The following DNM3 variants were observed in gnomAD, a reference collection of about 807,000 sequenced individuals.
DNM3 encodes the protein dynamin-3.
DNM3 carries 47 observed loss-of-function variants against 101.6 expected under a neutral mutation model. The ratio of observed to expected loss-of-function variants is 0.46; its 90% CI spans 0.37 to 0.59. The LOEUF (loss-of-function observed/expected upper bound fraction) is 0.59. Among genes scored for constraint, DNM3 ranks in the 20% least tolerant of loss-of-function variants. DNM3 has a pLI of 0.00. For missense variants in DNM3, 849 were observed against 1,085.7 expected, an observed-to-expected ratio of 0.78 and a Z score of 3.06; for synonymous variants, 385 against 387.9, an observed-to-expected ratio of 0.99 and a Z score of 0.09.
intron 1 of DNM3, among the ~76,000 whole-genome samples, chr1:171,882,643 G>C (rs921383418): frequency 6.6e-6 from 1 of 151,976 alleles, no homozygotes; most frequent in African/African-American, 2.4e-5. Flanking sequence ...GGCCAAATAA[G>C]TCATGACTAC....
chr1:172,347,220 C>A, intron 17 of DNM3, among the ~76,000 whole-genome samples: 1 of 151,764 alleles, frequency 6.6e-6, no homozygotes, highest in Non-Finnish European at 1.5e-5. Context: ...AAAATTATTT[C>A]CTCTCTGTAA....
At chr1:171,924,655 G>A (rs1287454195) in intron 2 of DNM3, among the ~76,000 whole-genome samples, 1 of 152,082 alleles carries the variant, frequency 6.6e-6, no homozygotes, top group African/African-American at 2.4e-5. Flanking sequence ...CCTCCACCTG[G>A]TCTCTCCCTT....
At chr1:172,284,937 G>A (rs1457189298) in intron 15 of DNM3, among the ~76,000 whole-genome samples, 1 of 152,174 alleles carries the variant, frequency 6.6e-6, no homozygotes, top group African/African-American at 2.4e-5. Context: ...TGCAATTATT[G>A]CTAAGTGGGC....
chr1:171,925,584 T>A (rs2040506205), intron 2 of DNM3, among the ~76,000 whole-genome samples: 2 of 152,190 alleles, frequency 1.3e-5, no homozygotes, highest in South Asian at 4.1e-4. Context: ...TTGTTTAAAG[T>A]TCTTATAGAT....
At chr1:172,202,413 T>C (rs1207620925) in intron 14 of DNM3, among the ~76,000 whole-genome samples, 1 of 152,178 alleles carries the variant, frequency 6.6e-6, no homozygotes, top group Non-Finnish European at 1.5e-5. Flanking sequence ...AGATTATCTA[T>C]TTCTCTTTAT....
intron 17 of DNM3, among the ~76,000 whole-genome samples, chr1:172,350,342 GTGTT>G (rs759505959): frequency 1.2e-3 from 186 of 151,422 alleles, no homozygotes; most frequent in South Asian, 3.6e-3. Flanking sequence ...GTGTGTGTGT[GTGTT>G]TGTGTGTCTT....
intron 2 of DNM3, 23 bp downstream of exon 2, chr1:171,921,844 G>T (rs371073445): frequency 1.4e-5 from 22 of 1,573,836 alleles, no homozygotes; most frequent in East Asian, 2.3e-5. Context: ...GATGTTTACC[G>T]CATGGATGGG....
intron 14 of DNM3, among the ~76,000 whole-genome samples, chr1:172,168,962 G>A (rs575825406): frequency 9.4e-4 from 143 of 152,006 alleles, no homozygotes; most frequent in Non-Finnish European, 1.7e-3. Context: ...ATTTTAAGAC[G>A]AACATGGTCC....
intron 14 of DNM3, among the ~76,000 whole-genome samples, chr1:172,170,789 C>T (rs2058927574): frequency 6.6e-6 from 1 of 151,700 alleles, no homozygotes; most frequent in South Asian, 2.1e-4. Context: ...TTGCACAGTC[C>T]ATGTTTGAAG....
At chr1:172,399,637 CTGTT>C (rs1229563824) in intron 20 of DNM3, among the ~76,000 whole-genome samples, 1 of 152,070 alleles carries the variant, frequency 6.6e-6, no homozygotes, top group Non-Finnish European at 1.5e-5. Context: ...CTGTTTTTCT[CTGTT>C]TGCTTTAAAA....
At chr1:172,247,075 G>A (rs1300376268) in intron 14 of DNM3, among the ~76,000 whole-genome samples, 1 of 151,914 alleles carries the variant, frequency 6.6e-6, no homozygotes, top group Non-Finnish European at 1.5e-5. Context: ...TTTTTAACTT[G>A]GACATATCTA....
chr1:172,011,649 A>G (rs771060896), intron 4 of DNM3, among the ~76,000 whole-genome samples: 18 of 152,072 alleles, frequency 1.2e-4, no homozygotes, highest in Non-Finnish European at 2.1e-4. Context: ...TTATATTCAG[A>G]AACAGAGATT....
chr1:172,002,614 AGATT>A (rs1239823955), intron 4 of DNM3, among the ~76,000 whole-genome samples: 9 of 152,226 alleles, frequency 5.9e-5, no homozygotes, highest in African/African-American at 2.2e-4. Flanking sequence ...AGTCTTATTT[AGATT>A]TGAAAATATG....
chr1:172,320,977 C>T (rs898034662), intron 16 of DNM3, among the ~76,000 whole-genome samples: 2 of 152,166 alleles, frequency 1.3e-5, no homozygotes, highest in African/African-American at 4.8e-5. Context: ...CTTCCCCTAT[C>T]GTGTATTTTT....
At position 172,316,884 on chromosome 1, in the gene DNM3, C is replaced by A. The variant is rs902578981; in HGVS notation, c.1882-6445C>A. On this transcript the variant is annotated intron_variant, in intron 16 of 20. Coordinates refer to ENST00000627582, the MANE Select transcript of DNM3 (RefSeq NM_015569.5). The stretch of plus-strand genomic sequence containing the variant: ...GAATTGAACTCAGCTCTGCACCAAG[C>A]GGACCTAATAGACATCTACAGAACT... Among the ~76,000 whole-genome samples the A allele has an allele frequency of 2.2e-4, 33 of 152,258 alleles. No homozygotes were observed. The East Asian group carries it at 6.2e-3, about 28-fold the overall frequency.
intron 14 of DNM3, among the ~76,000 whole-genome samples, chr1:172,231,381 G>T (rs971070630): frequency 1.4e-4 from 21 of 152,140 alleles, no homozygotes; most frequent in East Asian, 3.9e-4. Context: ...TCAGCTGAGG[G>T]TCCTGACTCT....
intron 17 of DNM3, among the ~76,000 whole-genome samples, chr1:172,342,463 T>C (rs1377331617): frequency 2.6e-5 from 4 of 152,134 alleles, no homozygotes. Context: ...TGCAGCAACA[T>C]GGATGAAGCT....
At chr1:172,241,240 TGTG>T (rs1431243715) in intron 14 of DNM3, among the ~76,000 whole-genome samples, 1 of 5,014 alleles carries the variant, frequency 2.0e-4, no homozygotes, top group African/African-American at 2.1e-3. Context: ...TATACATAGA[TGTG>T]TGTGTGTGTG....
chr1:172,075,481 A>G (rs771786929), intron 11 of DNM3, among the ~76,000 whole-genome samples: 1 of 152,098 alleles, frequency 6.6e-6, no homozygotes, highest in Non-Finnish European at 1.5e-5. Flanking sequence ...TCCTGAGTCA[A>G]TTTTTGTATA....
Sources: gnomAD v4.1 joint callset for allele counts (sites outside exome capture counted in the v4.1 genomes callset) on GRCh38, gnomAD v4.1.1 for gene constraint, MANE v1.5 for transcripts, NCBI Gene and HGNC (gene_info 2026-07-23, HGNC 2026-07-21) for gene names.